Variants in CCDC141 observed in about 807,000 individuals in gnomAD.
CCDC141 encodes coiled-coil domain containing 141.
A neutral mutation model predicts 181.0 loss-of-function variants in CCDC141; 168 were observed. The observed-to-expected ratio is 0.93, with a 90% confidence interval of 0.82 to 1.05. The LOEUF is 1.05. Ranked by LOEUF, CCDC141 falls within the 50% of genes least tolerant of loss-of-function variation. The probability of loss-of-function intolerance (pLI) is 0.00; values close to 1 mark genes in which losing one functional copy is unlikely to be tolerated. For missense variants in CCDC141, 1,902 were observed against 1,788.5 expected, an observed-to-expected ratio of 1.06 and a Z score of -1.14; for synonymous variants, 666 against 642.3, an observed-to-expected ratio of 1.04 and a Z score of -0.56.
intron 5 of CCDC141, among the ~76,000 whole-genome samples, chr2:178,957,162 C>T (rs552286753): frequency 1.3e-5 from 2 of 152,266 alleles, no homozygotes; most frequent in East Asian, 1.9e-4. Context: ...CGTGAGCCAC[C>T]GGGCCTGGCC....
the CCDC141 span, among the ~76,000 whole-genome samples, chr2:178,822,094 C>T: frequency 9.2e-5 from 14 of 152,118 alleles, no homozygotes; most frequent in African/African-American, 3.4e-4. Flanking sequence ...ATGATGAGTT[C>T]ATGTCCTTTG....
chr2:179,030,954 T>C (rs771939105), intron 2 of CCDC141, among the ~76,000 whole-genome samples: 9 of 152,222 alleles, frequency 5.9e-5, no homozygotes, highest in Middle Eastern at 3.4e-3. Flanking sequence ...AAAAATGAAC[T>C]ATTTTCATTC....
Position 178,869,172 on chromosome 2 carries a change from T to C in CCDC141, c.2339A>G (p.Gln780Arg), listed in dbSNP as rs142980709. Residue 780 changes from glutamine to arginine, a missense_variant, in exon 15 of 24, where the codon CAG becomes CGG. Gln to Arg is a conservative substitution (Grantham distance 43). Coordinates refer to ENST00000443758, the MANE Select transcript of CCDC141 (RefSeq NM_173648.4). Reference protein sequence around the residue: ...HFHQKQKERIQDYEDILYKVV... With the variant: ...HFHQKQKERIRDYEDILYKVV... ...CTTGTACAGGATATCCTCGTAATCC[T>C]GGATTCTCTCTTTCTGTTTTTGATG... The C allele has an allele frequency of 1.1e-5, 18 of 1,613,466 alleles. No individual in the cohort carries two copies. In the African/African-American group the frequency reaches 2.3e-4, roughly 20 times the overall value.
chr2:179,015,247 A>C (rs551230034), intron 2 of CCDC141, among the ~76,000 whole-genome samples: 174 of 108,174 alleles, frequency 1.6e-3, no homozygotes, highest in African/African-American at 5.6e-3. Flanking sequence ...TATATCTCAT[A>C]TATATCTCAT....
intron 4 of CCDC141, among the ~76,000 whole-genome samples, chr2:178,966,285 C>T (rs1171766581): frequency 6.6e-6 from 1 of 152,226 alleles, no homozygotes; most frequent in Non-Finnish European, 1.5e-5. Context: ...CAGACTGTCT[C>T]CTCAAGTGGG....
At chr2:178,916,788 T>C (rs886971975) in intron 7 of CCDC141, among the ~76,000 whole-genome samples, 4 of 152,100 alleles carry the variant, frequency 2.6e-5, no homozygotes, top group Non-Finnish European at 4.4e-5. Flanking sequence ...TTATTATAAT[T>C]TGTATAGTTA....
intron 6 of CCDC141, 62 bp from the exon 7 acceptor site, chr2:178,918,969 C>T (rs12467323): frequency 2.1e-6 from 3 of 1,408,536 alleles, no homozygotes; most frequent in South Asian, 1.4e-5. Flanking sequence ...ATGCTTGTGT[C>T]CCCCCGAAAT....
At position 178,868,608 on chromosome 2, in the gene CCDC141, CAA is replaced by C. The variant is rs71393439; in HGVS notation, c.2395-405_2395-404del. On this transcript the variant is annotated intron_variant, in intron 15 of 23. Coordinates refer to ENST00000443758, the MANE Select transcript of CCDC141 (RefSeq NM_173648.4). The stretch of plus-strand genomic sequence containing the variant: ...TCCATGATGTCAGGTACTTGAAGTG[CAA>C]AAAAAAAAAAAAAAAAAATCTAACT... 2.6e-3 allele frequency among the ~76,000 whole-genome samples: 224 copies of C among 85,528 alleles called. 1 individual carries two copies. The Middle Eastern group carries it at 0.032, about 12-fold the overall frequency. 56.1% of individuals were successfully genotyped at this position (85,528 alleles called of 152,430 possible).
intron 4 of CCDC141, among the ~76,000 whole-genome samples, chr2:178,967,394 T>C (rs941319050): frequency 1.3e-5 from 2 of 152,162 alleles, no homozygotes; most frequent in African/African-American, 4.8e-5. Flanking sequence ...CGGATCTCTC[T>C]GCAGAAACTC....
In CCDC141 at chr2:178,837,400, C is replaced by T. The variant is rs761543474; in HGVS notation, c.3819G>A (p.Ala1273=). Residue 1273 remains alanine, a synonymous_variant, in exon 23 of 24, where the codon GCG becomes GCA. Transcript: ENST00000443758. ...TTTCTCTCTTATCATTGCATGCATC[C>T]GCAAAGGCAACAGGTGGTGGAAGAA... The part of the protein sequence containing the change: ...ESVLPPPVAF[A]DACNDKRETF... 10 of 1,613,966 alleles carry T rather than the reference C, an allele frequency of 6.2e-6. No homozygotes were observed. Among genetic ancestry groups the T allele is most frequent in the Middle Eastern group, 3.3e-4 (2 of 6,082 alleles).
chr2:178,895,077 G>T (rs1687342431), intron 8 of CCDC141, among the ~76,000 whole-genome samples: 2 of 152,070 alleles, frequency 1.3e-5, no homozygotes, highest in Admixed American at 6.5e-5. Context: ...GGTCCCACTT[G>T]TACCTGCTTA....
chr2:178,987,495 G>A (rs1691811083), intron 2 of CCDC141, among the ~76,000 whole-genome samples: 1 of 152,068 alleles, frequency 6.6e-6, no homozygotes, highest in African/African-American at 2.4e-5. Context: ...AAGAGCTTCT[G>A]CACAGCAAAA....
chr2:179,031,632 T>C (rs1341860271), intron 2 of CCDC141, among the ~76,000 whole-genome samples: 2 of 152,120 alleles, frequency 1.3e-5, no homozygotes, highest in East Asian at 3.9e-4. Context: ...TGCTCCAGAA[T>C]TCATATATGG....
chr2:178,820,359 T>G, the CCDC141 span, among the ~76,000 whole-genome samples: 3 of 152,152 alleles, frequency 2.0e-5, no homozygotes, highest in African/African-American at 7.2e-5. Flanking sequence ...TCAGACAAGA[T>G]TCTGATAAGT....
At chr2:178,945,851 G>T (rs1031154795) in intron 5 of CCDC141, among the ~76,000 whole-genome samples, 1 of 77,852 alleles carries the variant, frequency 1.3e-5, no homozygotes, top group Non-Finnish European at 2.3e-5. Flanking sequence ...TGACACATGC[G>T]TGCACACACA....
intron 5 of CCDC141, among the ~76,000 whole-genome samples, chr2:178,946,510 A>G (rs1351158061): frequency 2.0e-5 from 3 of 152,174 alleles, no homozygotes; most frequent in African/African-American, 2.4e-5. Context: ...ATTCTTAGCT[A>G]AAGTGGGAGG....
Position 178,869,257 on chromosome 2 carries a change from T to C in CCDC141, c.2254A>G (p.Thr752Ala), listed in dbSNP as rs1558941755. The change falls in exon 15 of 24, where the codon ACT becomes GCT. Residue 752 changes from threonine to alanine, a missense_variant. Physicochemically the swap from Thr to Ala is moderately conservative, Grantham distance 58 (BLOSUM62 0). Coordinates refer to ENST00000443758, the MANE Select transcript of CCDC141 (RefSeq NM_173648.4). Reference protein sequence around the residue: ...QYIMKESEELTGRGAPVKEKS... With the variant: ...QYIMKESEELAGRGAPVKEKS... ...TCTTTTACAGGGGCTCCTCTGCCAG[T>C]TAACTCCTCTGATTCTTTCATAATG... The C allele has an allele frequency of 1.2e-6, 2 of 1,613,482 alleles. No homozygotes were observed. Among genetic ancestry groups the C allele is most frequent in the Non-Finnish European group, 1.7e-6 (2 of 1,179,742 alleles).
intron 5 of CCDC141, among the ~76,000 whole-genome samples, chr2:178,960,033 G>A (rs1343960653): frequency 1.3e-5 from 2 of 152,162 alleles, no homozygotes; most frequent in African/African-American, 4.8e-5. Flanking sequence ...GACAGTTTTG[G>A]TTTCTCACAA....
intron 17 of CCDC141, among the ~76,000 whole-genome samples, chr2:178,864,426 T>C (rs568570279): frequency 6.6e-6 from 1 of 152,202 alleles, no homozygotes; most frequent in Admixed American, 6.5e-5. Flanking sequence ...GAAGTGGCCA[T>C]TCTATCAAGT....
Sources: gnomAD v4.1 joint callset for allele counts (sites outside exome capture counted in the v4.1 genomes callset) on GRCh38, gnomAD v4.1.1 for gene constraint, MANE v1.5 for transcripts, NCBI Gene and HGNC (gene_info 2026-07-23, HGNC 2026-07-21) for gene names.